TNS3: variants seen among roughly 807,000 people sequenced by gnomAD.
TNS3 encodes tensin-3.
Under a neutral mutation model 140.9 loss-of-function variants are expected in TNS3, and 45 were observed. The ratio of observed to expected loss-of-function variants is 0.32; its 90% CI spans 0.25 to 0.41. TNS3 has a LOEUF of 0.41. TNS3 is among the 10% of genes least tolerant of loss of function. TNS3 has a pLI of 1.00. For synonymous variants in TNS3, 815 were observed against 788.4 expected (o/e 1.03, Z -0.56); for missense variants, 1,716 against 1,906.7 (o/e 0.90, Z 1.86).
Position 47,424,199 on chromosome 7 carries a change from G to T in TNS3, c.390-15C>A. On this transcript the variant is annotated splice_polypyrimidine_tract_variant and intron_variant, in intron 9 of 30. Coordinates refer to ENST00000311160, the MANE Select transcript of TNS3 (RefSeq NM_022748.12). The stretch of plus-strand genomic sequence containing the variant: ...CCTGGTCGGCGCTGAAGGGGAGAGA[G>T]AGAGAAAGAGAGTTAACTCAGTGGA... 6.2e-7 allele frequency: 1 copy of T among 1,613,482 alleles called. No individual in the cohort carries two copies.
At chr7:47,443,687 C>T (rs1182718880) in intron 4 of TNS3, among the ~76,000 whole-genome samples, 1 of 152,060 alleles carries the variant, frequency 6.6e-6, no homozygotes, top group Non-Finnish European at 1.5e-5. Context: ...TTTGAGAGGC[C>T]GAGGCGGGCA....
At chr7:47,525,619 G>C (rs1267747461) in intron 2 of TNS3, among the ~76,000 whole-genome samples, 1 of 152,236 alleles carries the variant, frequency 6.6e-6, no homozygotes, top group Admixed American at 6.5e-5. Flanking sequence ...CTGAACAGGA[G>C]GGATGCTCTC....
intron 1 of TNS3, among the ~76,000 whole-genome samples, chr7:47,533,783 G>A (rs1319557302): frequency 1.3e-5 from 2 of 152,128 alleles, no homozygotes; most frequent in East Asian, 3.9e-4. Flanking sequence ...GGTTTTATAA[G>A]GGGGAGTTCC....
At chr7:47,411,296 T>C (rs757905146) in intron 13 of TNS3, among the ~76,000 whole-genome samples, 5 of 152,236 alleles carry the variant, frequency 3.3e-5, no homozygotes, top group Non-Finnish European at 7.3e-5. Context: ...GTCACCAATC[T>C]TTTTGGCACC....
At chr7:47,454,778 G>A (rs1028057612) in intron 4 of TNS3, among the ~76,000 whole-genome samples, 17 of 152,188 alleles carry the variant, frequency 1.1e-4, no homozygotes, top group Non-Finnish European at 2.1e-4. Flanking sequence ...GAGCCAGGCA[G>A]GGGGCTCCCA....
Position 47,277,903 on chromosome 7 carries a change from C to T in TNS3, c.*173G>A, listed in dbSNP as rs964041303. On this transcript the variant is annotated 3_prime_UTR_variant, in exon 31 of 31. Coordinates refer to ENST00000311160, the MANE Select transcript of TNS3 (RefSeq NM_022748.12). Reference sequence around the variant, plus strand: ...AAGTCACTTTCAGGAAAGGCCAATTCACGGTGATGTTGTTTGTTCTTGTTT... The same window carrying T: ...AAGTCACTTTCAGGAAAGGCCAATTTACGGTGATGTTGTTTGTTCTTGTTT... 23 of 780,054 alleles carry T rather than the reference C, an allele frequency of 2.9e-5. No individual in the cohort carries two copies. The highest frequency in any genetic ancestry group is 2.7e-4 in the East Asian group (10 of 37,382). The allele number at this position is 780,054 out of a possible 1,614,324, so 48.3% of individuals were successfully genotyped here. A position where few individuals can be genotyped will look rare whatever the true frequency, so the allele number is the denominator to read the frequency against.
intron 23 of TNS3, among the ~76,000 whole-genome samples, chr7:47,297,800 TTTTTTG>T: frequency 6.6e-6 from 1 of 150,798 alleles, no homozygotes; most frequent in African/African-American, 2.5e-5. Context: ...TTTTTTTTTT[TTTTTTG>T]AGATGGAGTC....
rs755521060 is a variant in TNS3 at position 47,369,171 on chromosome 7, C to T, written c.1475G>A (p.Ser492Asn). The T allele has an allele frequency of 1.2e-6, 2 of 1,614,150 alleles. No homozygotes were observed. The highest frequency in any genetic ancestry group is 3.3e-5 in the Admixed American group (2 of 60,028). Residue 492 changes from serine to asparagine, a missense_variant, in exon 17 of 31, where the codon AGC (serine) becomes AAC (asparagine). By Grantham distance (46) the Ser-to-Asn change is conservative. Transcript: ENST00000311160. The part of the protein sequence containing the change: ...MPHHDLHSVD[S>N]LGTLSSSEGP... ...TTCCGAGGAGGACAGGGTCCCAAGGCTGTCCACACTGTGCAGGTCGTGGTG... is the reference window on the plus strand; with the variant it reads ...TTCCGAGGAGGACAGGGTCCCAAGGTTGTCCACACTGTGCAGGTCGTGGTG...
chr7:47,363,185 C>T (rs1790490720), intron 17 of TNS3, among the ~76,000 whole-genome samples: 1 of 141,022 alleles, frequency 7.1e-6, no homozygotes, highest in African/African-American at 2.7e-5. Context: ...AGGGTCATCA[C>T]CATCAACATC....
intron 4 of TNS3, among the ~76,000 whole-genome samples, chr7:47,475,768 G>A (rs1046605845): frequency 1.2e-4 from 19 of 152,322 alleles, no homozygotes; most frequent in African/African-American, 4.3e-4. Flanking sequence ...AAGCTGTGGG[G>A]CCACCATTCG....
At chr7:47,501,183 A>C (rs1241078863) in intron 3 of TNS3, among the ~76,000 whole-genome samples, 3,427 of 45,818 alleles carry the variant, frequency 0.075, 155 homozygotes, top group African/African-American at 0.26. Context: ...AGAGGAAGGA[A>C]GGAAGGGAGG....
intron 9 of TNS3, among the ~76,000 whole-genome samples, chr7:47,425,582 AG>A (rs1191019043): frequency 6.6e-6 from 1 of 152,152 alleles, no homozygotes; most frequent in Non-Finnish European, 1.5e-5. Context: ...CACACACAGA[AG>A]GGCCCACTTT....
chr7:47,438,197 G>GC (rs1294293878), intron 6 of TNS3, among the ~76,000 whole-genome samples: 1 of 152,196 alleles, frequency 6.6e-6, no homozygotes, highest in East Asian at 1.9e-4. Context: ...TATGACAAGG[G>GC]GGGGCGCTGC....
chr7:47,453,309 G>C, intron 4 of TNS3: 1 of 955,576 alleles, frequency 1.0e-6, no homozygotes, highest in Non-Finnish European at 1.2e-6. Flanking sequence ...TGACCAGGAA[G>C]CTGAGTGGCT....
intron 8 of TNS3, among the ~76,000 whole-genome samples, chr7:47,433,754 C>T (rs1795035870): frequency 6.6e-6 from 1 of 152,202 alleles, no homozygotes; most frequent in Non-Finnish European, 1.5e-5. Flanking sequence ...GAACAGCTTG[C>T]TACGTGATCC....
chr7:47,277,681 T>C lies in TNS3; in HGVS notation c.*395A>G. ...CATGCGGACGGGCGAAGCATGGCAG[T>C]CACTCGGCACCTCTGCCTCAAGGGC... On this transcript the variant is annotated 3_prime_UTR_variant, in exon 31 of 31. Transcript: ENST00000311160. 3.5e-6 allele frequency: 1 copy of C among 288,648 alleles called. No individual in the cohort carries two copies. The highest frequency in any genetic ancestry group is 6.7e-6 in the Non-Finnish European group (1 of 149,130). 17.9% of individuals were successfully genotyped at this position (288,648 alleles called of 1,614,324 possible). A position where few individuals can be genotyped will look rare whatever the true frequency, so the allele number is the denominator to read the frequency against.
rs763818821 is a variant in TNS3, at chr7:47,368,875, G to A, written c.1771C>T (p.Arg591Cys). 6.8e-6 allele frequency: 11 copies of A among 1,613,650 alleles called. No homozygotes were observed. Among genetic ancestry groups the A allele is most frequent in the East Asian group, 2.2e-5 (1 of 44,864 alleles). The change falls in exon 17 of 31, where the codon CGC becomes TGC. Residue 591 changes from arginine (R) to cysteine (C), a missense_variant. Physicochemically the swap from Arg to Cys is radical, Grantham distance 180. Around this residue, in one of 3 missense-constraint regions of TNS3, gnomAD observed 1,163 missense variants for 1,182.1 expected, o/e 0.98. Coordinates refer to ENST00000311160, the MANE Select transcript of TNS3 (RefSeq NM_022748.12). ...QSSYSTQTWV[R>C]QQQMVVAHQY... Reference sequence around the variant, plus strand: ...TGAGCTACAACCATCTGCTGCTGGCGCACCCAGGTCTGTGTGGAGTAGCTG... The same window carrying A: ...TGAGCTACAACCATCTGCTGCTGGCACACCCAGGTCTGTGTGGAGTAGCTG...
chr7:47,524,818 A>AAAAAAAT (rs1799131093), intron 2 of TNS3, among the ~76,000 whole-genome samples: 1 of 143,048 alleles, frequency 7.0e-6, no homozygotes, highest in Non-Finnish European at 1.5e-5. Context: ...CAAGAAAAAA[A>AAAAAAAT]AAAAAAAAAA....
At chr7:47,478,665 A>G (rs1797288509) in intron 4 of TNS3, among the ~76,000 whole-genome samples, 1 of 152,166 alleles carries the variant, frequency 6.6e-6, no homozygotes, top group Non-Finnish European at 1.5e-5. Flanking sequence ...TAACATATAT[A>G]CACTCACATA....
Sources: gnomAD v4.1 joint callset for allele counts (sites outside exome capture counted in the v4.1 genomes callset) on GRCh38, gnomAD v4.1.1 for gene constraint, gnomAD v4.1.1 regional missense constraint, MANE v1.5 for transcripts, NCBI Gene and HGNC (gene_info 2026-07-23, HGNC 2026-07-21) for gene names.